AMPD1: variants seen among roughly 807,000 people sequenced by gnomAD.
AMPD1 encodes the protein adenosine monophosphate deaminase 1.
Under a neutral mutation model 82.9 loss-of-function variants are expected in AMPD1, and 74 were observed. The observed-to-expected ratio is 0.89, with a 90% CI of 0.74 to 1.08. The LOEUF is 1.08. Ranked by LOEUF, AMPD1 falls within the 50% of genes least tolerant of loss-of-function variation. The pLI is 0.00. For synonymous variants in AMPD1, 333 were observed against 320.5 expected (o/e 1.04, Z -0.42); for missense variants, 881 against 924.5 (o/e 0.95, Z 0.61).
chr1:114,688,658 G>C lies in AMPD1; in HGVS notation c.118C>G (p.Pro40Ala), dbSNP rs748019377. 1.2e-6 allele frequency: 2 copies of C among 1,614,160 alleles called. No homozygotes were observed. The highest frequency in any genetic ancestry group is 8.5e-7 in the Non-Finnish European group (1 of 1,180,034). ...GGACAGATCTCATCCACATCAAAGG[G>C]GGAAATCTCCTGACGACCTCCTTCA... ...KDEGGRQEISPFDVDEICPIS... is the reference protein window; with the variant it reads ...KDEGGRQEISAFDVDEICPIS... Residue 40 changes from proline to alanine, a missense_variant, in exon 3 of 16, where the codon CCC becomes GCC. By Grantham distance (27) the Pro-to-Ala change is conservative. This residue lies in a region of AMPD1 where 783 missense variants were observed against 786.4 expected (regional missense o/e 1.00). Coordinates refer to ENST00000520113, the MANE Select transcript of AMPD1 (RefSeq NM_000036.3).
At chr1:114,683,579 A>C (rs1231730951) in intron 5 of AMPD1, among the ~76,000 whole-genome samples, 4 of 152,140 alleles carry the variant, frequency 2.6e-5, no homozygotes, top group Admixed American at 1.3e-4. Context: ...CTACAAAAAA[A>C]TACAAAAATT....
chr1:114,687,357 T>C (rs899498538), intron 3 of AMPD1, among the ~76,000 whole-genome samples: 1 of 152,214 alleles, frequency 6.6e-6, no homozygotes, highest in Non-Finnish European at 1.5e-5. Context: ...TTAATGTATA[T>C]AAAATGCCTA....
Position 114,693,415 on chromosome 1 carries a change from CA to C in AMPD1, c.34+20del. The C allele has an allele frequency of 6.2e-7, 1 of 1,608,430 alleles. No homozygotes were observed. Among genetic ancestry groups the C allele is most frequent in the Non-Finnish European group, 8.5e-7 (1 of 1,175,314 alleles). ...AAATTGATACTCTGACAAATGGCAG[CA>C]AAAGTAATGCAATACTCACGTTTCT... On this transcript the variant is annotated intron_variant, in intron 2 of 15. Transcript: ENST00000520113.
At position 114,688,697 on chromosome 1, in the gene AMPD1, A is replaced by G; in HGVS notation, c.79T>C (p.Ser27Pro). The G allele has an allele frequency of 6.2e-7, 1 of 1,614,214 alleles. No individual in the cohort carries two copies. Among genetic ancestry groups the G allele is most frequent in the South Asian group, 1.1e-5 (1 of 91,084 alleles). Reference protein sequence around the residue: ...MRNFAEKVFASEVKDEGGRQE... With the variant: ...MRNFAEKVFAPEVKDEGGRQE... ...CGACCTCCTTCATCTTTGACTTCAG[A>G]GGCAAACACTTTTTCAGCAAAGTTG... The change falls in exon 3 of 16, where the codon TCT becomes CCT. Residue 27 changes from serine (S) to proline (P), a missense_variant. This residue lies in a region of AMPD1 where 783 missense variants were observed against 786.4 expected (regional missense o/e 1.00). Coordinates refer to ENST00000520113, the MANE Select transcript of AMPD1 (RefSeq NM_000036.3).
At chr1:114,694,452 ACT>A (rs1557976415) in intron 1 of AMPD1, among the ~76,000 whole-genome samples, 1 of 152,028 alleles carries the variant, frequency 6.6e-6, no homozygotes, top group Non-Finnish European at 1.5e-5. Context: ...TTTAAAAAAA[ACT>A]CTTTAATTTT....
chr1:114,680,544 A>G lies in AMPD1; in HGVS notation c.548-66T>C, dbSNP rs986507352. 48 of 1,316,478 alleles carry G rather than the reference A, an allele frequency of 3.6e-5. 1 individual carries two copies. The South Asian group carries it at 5.6e-4, about 15-fold the overall frequency. 81.5% of individuals were successfully genotyped at this position (1,316,478 alleles called of 1,614,324 possible). ...ATGAACGACCACATAAAAATAACCA[A>G]AATGTGAAATACTACAACATCTCAT... On this transcript the variant is annotated intron_variant, in intron 5 of 15. Transcript: ENST00000520113.
At chr1:114,688,078 A>T (rs777637681) in intron 3 of AMPD1, among the ~76,000 whole-genome samples, 1 of 151,870 alleles carries the variant, frequency 6.6e-6, no homozygotes, top group Non-Finnish European at 1.5e-5. Context: ...TTCTTTTTTC[A>T]TCATTGGCCC....
rs587779375 is a variant in AMPD1, at chr1:114,695,540, G to C, written c.-69C>G. 2.5e-6 allele frequency: 4 copies of C among 1,614,030 alleles called. No homozygotes were observed. The East Asian group carries it at 8.9e-5, about 36-fold the overall frequency. ...AGAGAGAGGAGACTGTGGGGTGACTGACTGACACTATAAAATATCCTGACA... is the reference window on the plus strand; with the variant it reads ...AGAGAGAGGAGACTGTGGGGTGACTCACTGACACTATAAAATATCCTGACA... On this transcript the variant is annotated 5_prime_UTR_variant, in exon 1 of 16. Coordinates refer to ENST00000520113, the MANE Select transcript of AMPD1 (RefSeq NM_000036.3).
intron 8 of AMPD1, 95 bp from the exon 9 acceptor site, chr1:114,678,136 T>TG: frequency 6.5e-7 from 1 of 1,545,278 alleles, no homozygotes; most frequent in East Asian, 2.3e-5. Flanking sequence ...GGTCTGGTAG[T>TG]GGGGGAGGGC....
In AMPD1 at chr1:114,680,356, C is replaced by T. The variant is rs1181236832; in HGVS notation, c.670G>A (p.Val224Ile). 6.2e-7 allele frequency: 1 copy of T among 1,614,062 alleles called. No individual in the cohort carries two copies. The highest frequency in any genetic ancestry group is 2.2e-5 in the East Asian group (1 of 44,888). Reference sequence around the variant, plus strand: ...AGTGGCTTAGGCTCATCTTTGCTGACTGCTGCTTCATTAGGATAGACGTAA... The same window carrying T: ...AGTGGCTTAGGCTCATCTTTGCTGATTGCTGCTTCATTAGGATAGACGTAA... ...VVYVYPNEAA[V>I]SKDEPKPLPY... is the part of the protein sequence containing the mutation. Residue 224 changes from valine to isoleucine, a missense_variant, in exon 6 of 16, where the codon GTC (valine) becomes ATC (isoleucine). Coordinates refer to ENST00000520113, the MANE Select transcript of AMPD1 (RefSeq NM_000036.3).
At chr1:114,688,782 CAA>C in intron 2 of AMPD1, 41 bp from the exon 3 acceptor site, 2 of 1,609,170 alleles carry the variant, frequency 1.2e-6, no homozygotes, top group Non-Finnish European at 1.7e-6. Context: ...AGCCCCTTTT[CAA>C]AAGTCAGCTG....
intron 14 of AMPD1, 40 bp downstream of exon 14, chr1:114,673,861 ACAACAGTC>A: frequency 3.1e-6 from 5 of 1,603,360 alleles, no homozygotes; most frequent in Non-Finnish European, 4.3e-6. Context: ...TGGACGGGAA[ACAACAGTC>A]CAGCAAAATA....
rs1658060443 is a variant in AMPD1 at position 114,678,327 on chromosome 1, A to G, written c.1092+6T>C. On this transcript the variant is annotated splice_donor_region_variant and intron_variant, in intron 8 of 15. Transcript: ENST00000520113. ...GAGTGAAACTGACATTGCCGTTTCA[A>G]CCTACAGCATGAACATCCAGAGAAT... The G allele has an allele frequency of 1.9e-6, 3 of 1,613,914 alleles. No individual in the cohort carries two copies. The East Asian group carries it at 6.7e-5, about 36-fold the overall frequency.
chr1:114,685,360 C>A (rs1164516971), intron 4 of AMPD1, among the ~76,000 whole-genome samples: 1 of 152,120 alleles, frequency 6.6e-6, no homozygotes, highest in Non-Finnish European at 1.5e-5. Flanking sequence ...AATAGATGCT[C>A]AATAAGACTG....
chr1:114,695,339 C>T (rs766924223), intron 1 of AMPD1, 111 bp downstream of exon 1: 455 of 1,475,700 alleles, frequency 3.1e-4, no homozygotes, highest in Non-Finnish European at 3.9e-4. Context: ...AAAGCTATCA[C>T]GAACCCTAAA....
In AMPD1 at chr1:114,678,265, G is replaced by A. The variant is rs114557214; in HGVS notation, c.1092+68C>T. The stretch of plus-strand genomic sequence containing the variant: ...GTTAAGAGACCTCTGAGAAGGGAGG[G>A]CTTGTAGGAGAAAGACATGTGGGGT... On this transcript the variant is annotated intron_variant, in intron 8 of 15. Coordinates refer to ENST00000520113, the MANE Select transcript of AMPD1 (RefSeq NM_000036.3). 1,244 of 1,563,738 alleles carry A rather than the reference G, an allele frequency of 8.0e-4. 8 individuals carry two copies. In the African/African-American group the frequency reaches 0.014, roughly 18 times the overall value.
intron 7 of AMPD1, among the ~76,000 whole-genome samples, chr1:114,678,977 G>A (rs58375823): frequency 6.6e-6 from 1 of 152,184 alleles, no homozygotes; most frequent in Non-Finnish European, 1.5e-5. Context: ...AGCAGATTAA[G>A]TAATTAGTCC....
intron 5 of AMPD1, among the ~76,000 whole-genome samples, chr1:114,681,885 G>A (rs1461236082): frequency 6.6e-6 from 1 of 152,014 alleles, no homozygotes; most frequent in Non-Finnish European, 1.5e-5. Flanking sequence ...CACCTAAAGT[G>A]GTTTTAATGT....
chr1:114,673,855 C>T (rs574866696), intron 14 of AMPD1, 54 bp downstream of exon 14: 26 of 1,599,258 alleles, frequency 1.6e-5, no homozygotes, highest in Middle Eastern at 3.3e-4. Context: ...AAATTCTGGA[C>T]GGGAAACAAC....
Sources: gnomAD v4.1 joint callset for allele counts (sites outside exome capture counted in the v4.1 genomes callset) on GRCh38, gnomAD v4.1.1 for gene constraint, gnomAD v4.1.1 regional missense constraint, MANE v1.5 for transcripts, NCBI Gene and HGNC (gene_info 2026-07-23, HGNC 2026-07-21) for gene names.